The following NETO1 variants were observed in gnomAD, a reference collection of about 807,000 sequenced individuals.
NETO1 encodes neuropilin and tolloid like 1, also known as neuropilin and tolloid-like protein 1.
In NETO1, 26 loss-of-function variants were observed where a neutral mutation model predicts 61.3. The ratio of observed to expected loss-of-function variants is 0.42; its 90% CI spans 0.31 to 0.59. The LOEUF (loss-of-function observed/expected upper bound fraction) is 0.59, where lower values mean the gene tolerates loss of function less well. NETO1 is among the 20% of genes least tolerant of loss of function. The probability of loss-of-function intolerance (pLI) is 0.12; values close to 1 mark genes in which losing one functional copy is unlikely to be tolerated. For synonymous variants in NETO1, 225 were observed against 225.8 expected, an observed-to-expected ratio of 1.00 and a Z score of 0.03; for missense variants, 531 against 662.8, an observed-to-expected ratio of 0.80 and a Z score of 2.18.
chr18:72,812,647 T>G (rs2072905282), intron 4 of NETO1, among the ~76,000 whole-genome samples: 1 of 152,218 alleles, frequency 6.6e-6, no homozygotes, highest in African/African-American at 2.4e-5. Flanking sequence ...GAGCCAATCA[T>G]TTGTTCCACC....
In NETO1 at chr18:72,830,939, T is replaced by C. The variant is rs183036308; in HGVS notation, c.469+27887A>G. Among the ~76,000 whole-genome samples, 4 of 152,284 alleles carry C rather than the reference T, an allele frequency of 2.6e-5. No homozygotes were observed. The East Asian group carries it at 7.7e-4, about 29-fold the overall frequency. ...AAACTGTACTTGATAGGGTTGTCAA[T>C]TATGCCTTCTGACTGCAAAATCTTC... On this transcript the variant is annotated intron_variant, in intron 4 of 10. Transcript: ENST00000327305. The surrounding 1 kb of genome is among the most constrained non-coding windows in gnomAD (Gnocchi z 4.9).
At chr18:72,742,825 A>G (rs919231321), downstream of NETO1, 13 of 152,204 alleles carry the variant, frequency 8.5e-5, no homozygotes, top group African/African-American at 3.1e-4. Flanking sequence ...TGCTAAGATG[A>G]CCAAGGAAAA....
chr18:72,865,763 C>T (rs2074715515), intron 1 of NETO1: 22 of 1,385,130 alleles, frequency 1.6e-5, no homozygotes, highest in Non-Finnish European at 2.0e-5. Context: ...AAGCAAGAAA[C>T]AGATTAATGT....
chr18:72,767,175 T>A (rs565940596), intron 7 of NETO1, among the ~76,000 whole-genome samples: 1 of 152,280 alleles, frequency 6.6e-6, no homozygotes, highest in South Asian at 2.1e-4. Context: ...CGTAAACACA[T>A]CACCATGACC....
chr18:72,820,158 C>T (rs2073146221), intron 4 of NETO1, among the ~76,000 whole-genome samples: 1 of 152,162 alleles, frequency 6.6e-6, no homozygotes, highest in Admixed American at 6.5e-5. Flanking sequence ...TCTTTTGACA[C>T]ATGGAGAGTC....
rs551339884 is a variant in NETO1, at chr18:72,762,679, TTC to T, written c.869-6534_869-6533del. Reference sequence around the variant, plus strand: ...GCTCTATTGCTTCATTACTCTTGAATTCTGTTTTTAAACCCTCATCTATTCCC... The same window carrying T: ...GCTCTATTGCTTCATTACTCTTGAATTGTTTTTAAACCCTCATCTATTCCC... On this transcript the variant is annotated intron_variant, in intron 7 of 10. Coordinates refer to ENST00000327305, the MANE Select transcript of NETO1 (RefSeq NM_138966.5). 1.5e-4 allele frequency among the ~76,000 whole-genome samples: 23 copies of T among 152,342 alleles called. No homozygotes were observed. The East Asian group carries it at 3.9e-3, about 26-fold the overall frequency.
intron 7 of NETO1, among the ~76,000 whole-genome samples, chr18:72,758,993 C>T (rs903437370): frequency 6.6e-6 from 1 of 152,176 alleles, no homozygotes; most frequent in African/African-American, 2.4e-5. Context: ...ATCTCTCTCT[C>T]AGAAATGCAT....
chr18:72,787,816 T>C (rs2071972561), intron 6 of NETO1, among the ~76,000 whole-genome samples: 1 of 152,188 alleles, frequency 6.6e-6, no homozygotes, highest in South Asian at 2.1e-4. Context: ...GTAATGCTTT[T>C]AAATGCTCAC....
intron 4 of NETO1, among the ~76,000 whole-genome samples, chr18:72,853,997 G>A (rs923372940): frequency 3.3e-5 from 5 of 151,986 alleles, no homozygotes; most frequent in East Asian, 1.9e-4. Context: ...ATATTGCACC[G>A]AATATTTGAA....
rs377640732 is a variant in NETO1 at position 72,834,781 on chromosome 18, G to T, written c.469+24045C>A. 5.1e-6 allele frequency: 5 copies of T among 984,850 alleles called. No homozygotes were observed. In the African/African-American group the frequency reaches 8.7e-5, roughly 17 times the overall value. 61.0% of individuals were successfully genotyped at this position (984,850 alleles called of 1,614,324 possible). A position where few individuals can be genotyped will look rare whatever the true frequency, so the allele number is the denominator to read the frequency against. On this transcript the variant is annotated intron_variant, in intron 4 of 10. Coordinates refer to ENST00000327305, the MANE Select transcript of NETO1 (RefSeq NM_138966.5). ...TACATGTTAATTCCCAGTCCATGGC[G>T]ATAAGAAACTAAAGCAAAACTCCTC...
chr18:72,861,335 T>C (rs1199106334), intron 3 of NETO1, among the ~76,000 whole-genome samples: 1 of 152,216 alleles, frequency 6.6e-6, no homozygotes, highest in Non-Finnish European at 1.5e-5. Flanking sequence ...TGAAATAACT[T>C]TTTAAAACTA....
At chr18:72,818,038 T>C (rs997700732) in intron 4 of NETO1, among the ~76,000 whole-genome samples, 4 of 152,336 alleles carry the variant, frequency 2.6e-5, no homozygotes, top group African/African-American at 9.6e-5. Context: ...ATCTTGCACA[T>C]GAAATCATCC....
chr18:72,792,717 G>A (rs186951483), intron 6 of NETO1, among the ~76,000 whole-genome samples: 43 of 151,940 alleles, frequency 2.8e-4, no homozygotes, highest in East Asian at 9.7e-4. Flanking sequence ...GAAGCACTCC[G>A]GGTGAAGGCT....
Position 72,783,975 on chromosome 18 carries a change from T to C in NETO1, c.640-69A>G, listed in dbSNP as rs143706740. On this transcript the variant is annotated intron_variant, in intron 6 of 10. Coordinates refer to ENST00000327305, the MANE Select transcript of NETO1 (RefSeq NM_138966.5). ...ATGTACATCAGTATCAGAACTCCTT[T>C]TCTCTTTTTCAGTCTCACAAGACAA... 6.9e-4 allele frequency: 748 copies of C among 1,076,904 alleles called. 6 individuals carry two copies. The East Asian group carries it at 0.016, about 23-fold the overall frequency. The allele number at this position is 1,076,904 out of a possible 1,614,324, so 66.7% of individuals were successfully genotyped here.
intron 4 of NETO1, among the ~76,000 whole-genome samples, chr18:72,837,988 C>T (rs190864904): frequency 4.6e-5 from 7 of 151,038 alleles, no homozygotes; most frequent in Non-Finnish European, 7.4e-5. Flanking sequence ...AATAGCCACA[C>T]AAAACATTCT....
Position 72,830,261 on chromosome 18 carries a change from C to T in NETO1, c.469+28565G>A, listed in dbSNP as rs547058442. Among the ~76,000 whole-genome samples the T allele has an allele frequency of 9.9e-5, 15 of 152,124 alleles. No homozygotes were observed. The highest frequency in any genetic ancestry group is 2.1e-4 in the South Asian group (1 of 4,810). On this transcript the variant is annotated intron_variant, in intron 4 of 10. Coordinates refer to ENST00000327305, the MANE Select transcript of NETO1 (RefSeq NM_138966.5). This position sits in a 1 kb window ranked among gnomAD's most constrained non-coding sequence, Gnocchi z 4.9. ...GCAGTGCTATCTTGGTGCCGGCTTGCGAGAGTAGGCATGGTGCTAACAAAA... is the reference window on the plus strand; with the variant it reads ...GCAGTGCTATCTTGGTGCCGGCTTGTGAGAGTAGGCATGGTGCTAACAAAA...
At chr18:72,864,377 A>G (rs1373550065) in intron 3 of NETO1, among the ~76,000 whole-genome samples, 1 of 152,226 alleles carries the variant, frequency 6.6e-6, no homozygotes, top group Non-Finnish European at 1.5e-5. Context: ...GTGATTATAG[A>G]TTCATCTTTG....
intron 6 of NETO1, 71 bp from the exon 7 acceptor site, chr18:72,783,977 C>A: frequency 9.4e-7 from 1 of 1,063,954 alleles, no homozygotes; most frequent in Non-Finnish European, 1.4e-6. Context: ...AACTCCTTTT[C>A]TCTTTTTCAG....
chr18:72,772,749 CTATA>C (rs1555684116), intron 7 of NETO1, among the ~76,000 whole-genome samples: 1 of 27,146 alleles, frequency 3.7e-5, no homozygotes. Context: ...ACACATCTCT[CTATA>C]TATATCTATA....
Sources: allele counts gnomAD v4.1 joint callset (sites outside exome capture counted in the v4.1 genomes callset), GRCh38; gene constraint gnomAD v4.1.1; non-coding constraint Gnocchi (gnomAD v3.1); transcripts MANE v1.5; gene names NCBI Gene and HGNC (gene_info 2026-07-23, HGNC 2026-07-21).